The following DENND1A variants were observed in gnomAD, a reference collection of about 807,000 sequenced individuals.
The protein encoded by DENND1A is DENN domain-containing protein 1A.
Under a neutral mutation model 113.7 loss-of-function variants are expected in DENND1A, and 51 were observed. The ratio of observed to expected loss-of-function variants is 0.45; its 90% CI spans 0.36 to 0.57. The LOEUF is 0.57. Among genes scored for constraint, DENND1A ranks in the 20% least tolerant of loss-of-function variants. The pLI is 0.00. For missense variants in DENND1A, 1,258 were observed against 1,395.9 expected (o/e 0.90, Z 1.57); for synonymous variants, 565 against 570.8 (o/e 0.99, Z 0.14).
intron 13 of DENND1A, among the ~76,000 whole-genome samples, chr9:123,541,822 C>T (rs998407034): frequency 2.0e-5 from 3 of 152,150 alleles, no homozygotes; most frequent in Non-Finnish European, 2.9e-5. Context: ...AACAATTTTA[C>T]GAGGGTGGCA....
At chr9:123,392,095 C>A (rs985725754) in intron 21 of DENND1A, among the ~76,000 whole-genome samples, 24 of 152,204 alleles carry the variant, frequency 1.6e-4, no homozygotes, top group Non-Finnish European at 1.2e-4. Flanking sequence ...GCGCGTGTGA[C>A]AGTGGTGACA....
At chr9:123,400,268 A>G (rs1243895315) in intron 21 of DENND1A, 1 of 152,234 alleles carries the variant, frequency 6.6e-6, no homozygotes, top group Non-Finnish European at 1.5e-5. Flanking sequence ...GACACAGGAA[A>G]ATTTCATTTT....
At chr9:123,646,586 A>G (rs1255914837) in intron 9 of DENND1A, among the ~76,000 whole-genome samples, 1 of 151,944 alleles carries the variant, frequency 6.6e-6, no homozygotes, top group Non-Finnish European at 1.5e-5. Context: ...GAGGCCATCT[A>G]CCTAAAACTG....
intron 13 of DENND1A, among the ~76,000 whole-genome samples, chr9:123,500,189 A>T (rs2052350132): frequency 1.3e-5 from 2 of 152,190 alleles, no homozygotes; most frequent in African/African-American, 4.8e-5. Context: ...CATCGTTTGA[A>T]CTATTTTAAA....
chr9:123,602,535 A>T (rs1487561529), intron 11 of DENND1A, among the ~76,000 whole-genome samples: 1 of 152,216 alleles, frequency 6.6e-6, no homozygotes, highest in African/African-American at 2.4e-5. Flanking sequence ...TCAAACATGA[A>T]AACAGGTCAA....
intron 10 of DENND1A, among the ~76,000 whole-genome samples, chr9:123,615,608 A>C (rs1408055687): frequency 6.6e-6 from 1 of 152,148 alleles, no homozygotes; most frequent in Non-Finnish European, 1.5e-5. Flanking sequence ...CCTCAGCTTC[A>C]CTATTTCTTC....
Position 123,381,278 on chromosome 9 carries a change from G to A in DENND1A, c.*154C>T. 1 of 695,970 alleles carries A rather than the reference G, an allele frequency of 1.4e-6. No homozygotes were observed. The highest frequency in any genetic ancestry group is 2.4e-6 in the Non-Finnish European group (1 of 420,396). The allele number at this position is 695,970 out of a possible 1,614,324, so 43.1% of individuals were successfully genotyped here. On this transcript the variant is annotated 3_prime_UTR_variant, in exon 24 of 24. Coordinates refer to ENST00000394215, the MANE Select transcript of DENND1A (RefSeq NM_001352964.2). The surrounding 1 kb of genome is among the most constrained non-coding windows in gnomAD (Gnocchi z 4.7). ...TCCCCAGGGCCAGACATCAGAGATG[G>A]GCAGTGTGGAGGGGAGGAGGGGGCA... is the stretch of plus-strand genomic sequence containing the variant.
chr9:123,633,746 A>AG (rs1417825352), intron 9 of DENND1A, among the ~76,000 whole-genome samples: 3 of 152,220 alleles, frequency 2.0e-5, no homozygotes, highest in Non-Finnish European at 2.9e-5. Context: ...ACTACACTCC[A>AG]GCCTAGGCAA....
intron 1 of DENND1A, among the ~76,000 whole-genome samples, chr9:123,918,563 A>C (rs1039463969): frequency 2.0e-5 from 3 of 152,072 alleles, no homozygotes; most frequent in African/African-American, 7.2e-5. Flanking sequence ...GACAGTAACT[A>C]CAGCAGATTG....
chr9:123,768,539 A>G (rs1220566102), intron 4 of DENND1A, among the ~76,000 whole-genome samples: 2 of 152,132 alleles, frequency 1.3e-5, no homozygotes, highest in African/African-American at 2.4e-5. Context: ...TTCTTGGACC[A>G]TATTATGGCA....
At position 123,583,238 on chromosome 9, in the gene DENND1A, C is replaced by G. The variant is rs1322229056; in HGVS notation, c.798G>C (p.Val266=). ...GGGTGTTGGTGTCCACATTCAGGAT[C>G]ACGACATCATCCAGGGCCATGTTTC... ...KVRNMALDDV[V]ILNVDTNTLE... Residue 266 remains valine, a synonymous_variant, in exon 12 of 24, where the codon GTG becomes GTC. Transcript: ENST00000394215. The G allele has an allele frequency of 3.1e-6, 5 of 1,612,372 alleles. No homozygotes were observed. The highest frequency in any genetic ancestry group is 1.7e-4 in the Middle Eastern group (1 of 6,056).
intron 2 of DENND1A, among the ~76,000 whole-genome samples, chr9:123,860,571 T>C (rs375230088): frequency 2.0e-5 from 3 of 152,196 alleles, no homozygotes; most frequent in Non-Finnish European, 4.4e-5. Context: ...AAGTAAGACT[T>C]ACCACTCTAC....
chr9:123,489,408 C>A (rs901492449), intron 13 of DENND1A, among the ~76,000 whole-genome samples: 3 of 152,210 alleles, frequency 2.0e-5, no homozygotes, highest in Admixed American at 2.0e-4. Flanking sequence ...CTGCAGGAAG[C>A]CTCATCCTTC....
At chr9:123,703,199 G>C (rs528476779) in intron 5 of DENND1A, among the ~76,000 whole-genome samples, 3 of 152,160 alleles carry the variant, frequency 2.0e-5, no homozygotes, top group African/African-American at 7.2e-5. Flanking sequence ...ATGTTACCCA[G>C]GTTGGTCTCG....
intron 13 of DENND1A, among the ~76,000 whole-genome samples, chr9:123,484,658 G>C (rs2050637472): frequency 6.6e-6 from 1 of 152,194 alleles, no homozygotes; most frequent in Admixed American, 6.5e-5. Flanking sequence ...AGTGCTTGCA[G>C]GTCTACGAAT....
At chr9:123,508,317 T>C (rs2053149993) in intron 13 of DENND1A, among the ~76,000 whole-genome samples, 1 of 152,250 alleles carries the variant, frequency 6.6e-6, no homozygotes, top group Non-Finnish European at 1.5e-5. Context: ...TTTGCATTCA[T>C]ACATGCTTAC....
At chr9:123,670,483 T>C (rs2063711790) in intron 7 of DENND1A, among the ~76,000 whole-genome samples, 1 of 152,182 alleles carries the variant, frequency 6.6e-6, no homozygotes, top group African/African-American at 2.4e-5. Context: ...GATGAGGAAA[T>C]TGAAGCCCAC....
At chr9:123,711,326 G>C (rs147903030) in intron 5 of DENND1A, among the ~76,000 whole-genome samples, 18,535 of 151,052 alleles carry the variant, frequency 0.12, 1,702 homozygotes, top group East Asian at 0.43. Context: ...TTAGCCAGGC[G>C]TGGTGGCGGG....
chr9:123,860,941 A>T (rs760533541), intron 2 of DENND1A, among the ~76,000 whole-genome samples: 4 of 152,222 alleles, frequency 2.6e-5, no homozygotes, highest in Non-Finnish European at 5.9e-5. Flanking sequence ...TTAAATCTTT[A>T]GTAAAGGCTG....
Sources: allele counts gnomAD v4.1 joint callset (sites outside exome capture counted in the v4.1 genomes callset), GRCh38; gene constraint gnomAD v4.1.1; non-coding constraint Gnocchi (gnomAD v3.1); transcripts MANE v1.5; gene names NCBI Gene and HGNC (gene_info 2026-07-23, HGNC 2026-07-21).